SLC44A5: variants seen among roughly 807,000 people sequenced by gnomAD.
SLC44A5 encodes the protein choline transporter-like protein 5.
SLC44A5 carries 57 observed loss-of-function variants against 101.8 expected under a neutral mutation model. That is an observed-to-expected ratio of 0.56 (90% confidence interval 0.45 to 0.70). The LOEUF is 0.70. Ranked by LOEUF, SLC44A5 falls within the 30% of genes least tolerant of loss-of-function variation. The pLI, the probability that SLC44A5 is intolerant of heterozygous loss-of-function variation, is 0.00. For missense variants in SLC44A5, 737 were observed against 853.1 expected, an observed-to-expected ratio of 0.86 and a Z score of 1.70; for synonymous variants, 281 against 290.9, an observed-to-expected ratio of 0.97 and a Z score of 0.35.
the SLC44A5 span, chr1:75,641,283 AG>A: frequency 3.3e-6 from 2 of 607,070 alleles, no homozygotes; most frequent in South Asian, 1.9e-5. Flanking sequence ...ACTTTTGTTA[AG>A]AAAGAGTCCA....
At chr1:75,503,689 A>G (rs867772199) in intron 2 of SLC44A5, among the ~76,000 whole-genome samples, 2 of 152,200 alleles carry the variant, frequency 1.3e-5, no homozygotes, top group Non-Finnish European at 2.9e-5. Context: ...TGGTAAATCA[A>G]GTTCCCACAC....
chr1:75,720,096 T>G, the SLC44A5 span, among the ~76,000 whole-genome samples: 2 of 152,190 alleles, frequency 1.3e-5, no homozygotes, highest in African/African-American at 2.4e-5. Context: ...AACTTTGATG[T>G]TATTGTATTT....
At chr1:75,643,943 C>T in the SLC44A5 span, among the ~76,000 whole-genome samples, 56 of 152,102 alleles carry the variant, frequency 3.7e-4, no homozygotes, top group African/African-American at 1.2e-3. Context: ...GATATAGAAG[C>T]GTGTTCACAG....
chr1:75,566,040 T>G (rs200545251), intron 1 of SLC44A5, among the ~76,000 whole-genome samples: 2 of 152,224 alleles, frequency 1.3e-5, no homozygotes, highest in South Asian at 4.1e-4. Flanking sequence ...TCAGGCTATC[T>G]GTTTATAACA....
chr1:75,397,723 T>C lies in SLC44A5; in HGVS notation c.14-1102A>G, dbSNP rs193038212. 3.2e-3 allele frequency among the ~76,000 whole-genome samples: 483 copies of C among 152,282 alleles called. 2 individuals carry two copies. Among genetic ancestry groups the C allele is most frequent in the African/African-American group, 0.011 (461 of 41,572 alleles). On this transcript the variant is annotated intron_variant, in intron 2 of 23. Coordinates refer to ENST00000370859, the MANE Select transcript of SLC44A5 (RefSeq NM_001130058.2). ...AACGTGAACTTTTGGGTCTAATCTT[T>C]GTTTAAAGTCACACTGCTAGTAAGT...
chr1:75,562,227 A>G (rs1023749017), intron 1 of SLC44A5, among the ~76,000 whole-genome samples: 1 of 152,044 alleles, frequency 6.6e-6, no homozygotes, highest in African/African-American at 2.4e-5. Context: ...CAGATTTTTT[A>G]TTATTTGAAT....
At chr1:75,216,257 G>C (rs1020830900) in intron 18 of SLC44A5, among the ~76,000 whole-genome samples, 1 of 151,942 alleles carries the variant, frequency 6.6e-6, no homozygotes, top group East Asian at 1.9e-4. Flanking sequence ...CACTTAGCAT[G>C]ATGTCGTCAA....
intron 5 of SLC44A5, among the ~76,000 whole-genome samples, chr1:75,283,349 G>A (rs1387746550): frequency 1.3e-5 from 2 of 151,810 alleles, no homozygotes; most frequent in Non-Finnish European, 2.9e-5. Context: ...CAGATTCTTT[G>A]GTGTTTTTCT....
chr1:75,492,324 C>T (rs944253600), intron 2 of SLC44A5, among the ~76,000 whole-genome samples: 2 of 152,132 alleles, frequency 1.3e-5, no homozygotes, highest in Non-Finnish European at 2.9e-5. Flanking sequence ...ACTTTAGTAG[C>T]ATAACAGAAA....
chr1:75,261,962 C>A (rs1338693970), intron 6 of SLC44A5, among the ~76,000 whole-genome samples: 1 of 152,092 alleles, frequency 6.6e-6, no homozygotes, highest in Non-Finnish European at 1.5e-5. Context: ...GCTAAAAATT[C>A]TCTTTAAACT....
At chr1:75,446,611 C>T (rs1665591621) in intron 2 of SLC44A5, among the ~76,000 whole-genome samples, 1 of 151,614 alleles carries the variant, frequency 6.6e-6, no homozygotes, top group African/African-American at 2.4e-5. Flanking sequence ...GCAGAGATTG[C>T]CTTGTCACCA....
the SLC44A5 span, among the ~76,000 whole-genome samples, chr1:75,652,667 A>C: frequency 6.6e-6 from 1 of 152,020 alleles, no homozygotes; most frequent in Non-Finnish European, 1.5e-5. Flanking sequence ...GTTGGTATAC[A>C]CCTATAATCG....
intron 3 of SLC44A5, among the ~76,000 whole-genome samples, chr1:75,383,473 G>T (rs1456276988): frequency 6.6e-6 from 1 of 152,142 alleles, no homozygotes; most frequent in Admixed American, 6.5e-5. Context: ...AAGATGAAAT[G>T]AATGAAATGA....
intron 2 of SLC44A5, among the ~76,000 whole-genome samples, chr1:75,484,756 A>G (rs979328151): frequency 3.3e-5 from 5 of 152,246 alleles, no homozygotes; most frequent in African/African-American, 1.2e-4. Context: ...GTTTCCATAC[A>G]TCCTTTGAAA....
chr1:75,626,636 T>C, the SLC44A5 span, among the ~76,000 whole-genome samples: 1 of 152,144 alleles, frequency 6.6e-6, no homozygotes, highest in Non-Finnish European at 1.5e-5. Context: ...TCTAGCCAAA[T>C]CTTTATTGCT....
intron 2 of SLC44A5, among the ~76,000 whole-genome samples, chr1:75,453,893 C>A (rs892887769): frequency 6.6e-6 from 1 of 151,964 alleles, no homozygotes; most frequent in East Asian, 1.9e-4. Context: ...GTGCTGAAAT[C>A]GAATCAGTAA....
At chr1:75,678,188 G>A in the SLC44A5 span, among the ~76,000 whole-genome samples, 3 of 152,184 alleles carry the variant, frequency 2.0e-5, no homozygotes, top group Admixed American at 6.5e-5. Context: ...CTGGGGGAGG[G>A]GCGCCCACCA....
chr1:75,583,169 G>T (rs1313064064), intron 1 of SLC44A5, among the ~76,000 whole-genome samples: 2 of 152,088 alleles, frequency 1.3e-5, no homozygotes, highest in African/African-American at 4.8e-5. Context: ...ACTCTGTTCT[G>T]GTTTTTTATA....
intron 2 of SLC44A5, among the ~76,000 whole-genome samples, chr1:75,402,025 A>G (rs994879134): frequency 2.6e-5 from 4 of 152,206 alleles, no homozygotes; most frequent in African/African-American, 9.6e-5. Context: ...CCAAGAGTGA[A>G]GAAAGTTGAT....
Sources: allele counts gnomAD v4.1 joint callset (sites outside exome capture counted in the v4.1 genomes callset), GRCh38; gene constraint gnomAD v4.1.1; transcripts MANE v1.5; gene names NCBI Gene and HGNC (gene_info 2026-07-23, HGNC 2026-07-21).